The following PLCB1 variants were observed in gnomAD, a reference collection of about 807,000 sequenced individuals.
PLCB1 encodes the protein phospholipase C beta 1, also known as 1-phosphatidylinositol 4,5-bisphosphate phosphodiesterase beta-1.
Under a neutral mutation model 161.8 loss-of-function variants are expected in PLCB1, and 46 were observed. The observed-to-expected ratio is 0.28, with a 90% CI of 0.22 to 0.36. The LOEUF is 0.36. PLCB1 is among the 10% of genes least tolerant of loss of function. The pLI is 1.00. For synonymous variants in PLCB1, 517 were observed against 503.7 expected (o/e 1.03, Z -0.35); for missense variants, 1,016 against 1,472.5 (o/e 0.69, Z 5.07).
intron 7 of PLCB1, among the ~76,000 whole-genome samples, chr20:8,655,300 C>T (rs1421133496): frequency 6.6e-6 from 1 of 152,102 alleles, no homozygotes; most frequent in South Asian, 2.1e-4. Context: ...CCACACTTCT[C>T]AATAAATTAC....
chr20:8,630,010 C>CTTTCTTTCTTTCTTTCTTTCTT (rs760712723), intron 4 of PLCB1, among the ~76,000 whole-genome samples: 1 of 60,596 alleles, frequency 1.7e-5, no homozygotes, highest in Non-Finnish European at 3.2e-5. Context: ...TTCTTTCTTT[C>CTTTCTTTCTTTCTTTCTTTCTT]TCTTTCTTCT....
intron 3 of PLCB1, among the ~76,000 whole-genome samples, chr20:8,377,379 C>T (rs1987122228): frequency 6.6e-6 from 1 of 152,150 alleles, no homozygotes; most frequent in South Asian, 2.1e-4. Context: ...ACCTTTTAGG[C>T]CATGAAAATG....
chr20:8,708,790 C>A (rs543453896), intron 12 of PLCB1, 38 bp downstream of exon 12: 3 of 1,178,132 alleles, frequency 2.5e-6, no homozygotes, highest in South Asian at 1.2e-5. Flanking sequence ...GTCTTTTTCC[C>A]GAATAGGGCA....
chr20:8,632,043 T>TTG (rs1568537456), intron 4 of PLCB1, among the ~76,000 whole-genome samples: 3 of 75,104 alleles, frequency 4.0e-5, no homozygotes, highest in Non-Finnish European at 6.3e-5. Flanking sequence ...TGCTTTTTTT[T>TTG]TTTTTTTTTT....
intron 3 of PLCB1, among the ~76,000 whole-genome samples, chr20:8,457,648 A>T (rs1981375634): frequency 6.6e-6 from 1 of 151,970 alleles, no homozygotes; most frequent in Admixed American, 6.6e-5. Context: ...TCAAGTAATG[A>T]ACTGCATGAT....
intron 31 of PLCB1, among the ~76,000 whole-genome samples, chr20:8,795,736 G>T (rs535643357): frequency 6.6e-6 from 1 of 152,242 alleles, no homozygotes; most frequent in Admixed American, 6.5e-5. Context: ...TTAGCCAGGT[G>T]TGGTGGTGGG....
In PLCB1 at chr20:8,856,620, AAAAT is replaced by A. The variant is rs764798335; in HGVS notation, c.3424-24990_3424-24987del. Reference sequence around the variant, plus strand: ...CAACAGAGCAAGACTGTGTCTCAAAAAAATAAATAAATAAAAAGAGCCAGACACA... The same window carrying A: ...CAACAGAGCAAGACTGTGTCTCAAAAAAATAAATAAAAAGAGCCAGACACA... On this transcript the variant is annotated intron_variant, in intron 31 of 31. Coordinates refer to ENST00000338037, the MANE Select transcript of PLCB1 (RefSeq NM_015192.4). Among the ~76,000 whole-genome samples the A allele has an allele frequency of 4.6e-5, 7 of 152,222 alleles. No individual in the cohort carries two copies. In the East Asian group the frequency reaches 7.7e-4, roughly 17 times the overall value.
At chr20:8,414,502 G>A (rs767402258) in intron 3 of PLCB1, among the ~76,000 whole-genome samples, 2 of 151,846 alleles carry the variant, frequency 1.3e-5, no homozygotes, top group Non-Finnish European at 2.9e-5. Context: ...GTATGAATGC[G>A]TAAGAGAAGA....
chr20:8,502,235 T>C (rs990082762), intron 3 of PLCB1, among the ~76,000 whole-genome samples: 1 of 152,094 alleles, frequency 6.6e-6, no homozygotes, highest in Non-Finnish European at 1.5e-5. Context: ...AAAATATATA[T>C]TCTTAAAGTG....
intron 23 of PLCB1, among the ~76,000 whole-genome samples, chr20:8,756,787 A>G (rs1981757587): frequency 6.6e-6 from 1 of 152,224 alleles, no homozygotes; most frequent in Admixed American, 6.5e-5. Context: ...GGTCTGGTCC[A>G]GAGTCAGTGT....
At chr20:8,536,858 G>A (rs6055889) in intron 3 of PLCB1, among the ~76,000 whole-genome samples, 51,040 of 152,052 alleles carry the variant, frequency 0.34, 9,692 homozygotes, top group East Asian at 0.5. Context: ...CATACAGTGC[G>A]GCAAAGGAAG....
intron 2 of PLCB1, among the ~76,000 whole-genome samples, chr20:8,189,545 C>A (rs2051943278): frequency 6.6e-6 from 1 of 151,866 alleles, no homozygotes; most frequent in South Asian, 2.1e-4. Flanking sequence ...CACTTCTACA[C>A]CTGAAATGTA....
At chr20:8,656,040 A>G (rs1056058972) in intron 7 of PLCB1, among the ~76,000 whole-genome samples, 2 of 152,046 alleles carry the variant, frequency 1.3e-5, no homozygotes, top group East Asian at 1.9e-4. Context: ...ACAATTCACA[A>G]GAAGTCCCCA....
At chr20:8,836,504 G>T (rs974959755) in intron 31 of PLCB1, among the ~76,000 whole-genome samples, 2 of 76,198 alleles carry the variant, frequency 2.6e-5, no homozygotes, top group East Asian at 2.4e-3. Context: ...TAGAGGAAGA[G>T]AATTTTTAGG....
At chr20:8,335,843 A>G (rs1307471797) in intron 2 of PLCB1, among the ~76,000 whole-genome samples, 1 of 152,226 alleles carries the variant, frequency 6.6e-6, no homozygotes, top group Admixed American at 6.5e-5. Context: ...GACTGTTAAA[A>G]TGGCATTTTT....
At chr20:8,525,191 G>T (rs572275628) in intron 3 of PLCB1, among the ~76,000 whole-genome samples, 2 of 152,106 alleles carry the variant, frequency 1.3e-5, no homozygotes, top group South Asian at 4.2e-4. Context: ...TCAAATTGAA[G>T]GGCAGTGGAT....
At chr20:8,819,431 C>T (rs190133345) in intron 31 of PLCB1, among the ~76,000 whole-genome samples, 2 of 152,118 alleles carry the variant, frequency 1.3e-5, no homozygotes, top group African/African-American at 4.8e-5. Flanking sequence ...ATGTAGAATA[C>T]CTTTGTGCAT....
chr20:8,193,643 T>A (rs732368), intron 2 of PLCB1, among the ~76,000 whole-genome samples: 4,107 of 152,084 alleles, frequency 0.027, 191 homozygotes, highest in African/African-American at 0.091. Context: ...TTATACTTCA[T>A]AATTTCTGAG....
intron 1 of PLCB1, among the ~76,000 whole-genome samples, chr20:8,139,081 G>GTTTTTTTTTTTTTTTT (rs71329695): frequency 4.4e-5 from 4 of 91,628 alleles, no homozygotes; most frequent in African/African-American, 8.8e-5. Context: ...TATTTCAAGG[G>GTTTTTTTTTTTTTTTT]TTTTTTTTTT....
Sources: allele counts gnomAD v4.1 joint callset (sites outside exome capture counted in the v4.1 genomes callset), GRCh38; gene constraint gnomAD v4.1.1; transcripts MANE v1.5; gene names NCBI Gene and HGNC (gene_info 2026-07-23, HGNC 2026-07-21).